Variants in SMYD4 observed in about 807,000 individuals in gnomAD.
The protein encoded by SMYD4 is protein-lysine N-methyltransferase SMYD4.
SMYD4 carries 68 observed loss-of-function variants against 72.8 expected under a neutral mutation model. That is an observed-to-expected ratio of 0.93 (90% CI 0.77 to 1.14). The LOEUF (loss-of-function observed/expected upper bound fraction) is 1.14. SMYD4 is among the 50% of genes most tolerant of loss of function. SMYD4 has a pLI of 0.00. For missense variants in SMYD4, 984 were observed against 1,003.7 expected (o/e 0.98, Z 0.27); for synonymous variants, 407 against 388.6 (o/e 1.05, Z -0.56).
chr17:1,796,292 C>T lies in SMYD4; in HGVS notation c.1537+3565G>A, dbSNP rs538181916. Among the ~76,000 whole-genome samples the T allele has an allele frequency of 6.6e-3, 860 of 130,168 alleles. 11 individuals are homozygous for T. The highest frequency in any genetic ancestry group is 0.025 in the African/African-American group (820 of 33,304). The allele number at this position is 130,168 out of a possible 152,430, so 85.4% of individuals were successfully genotyped here. Reference sequence around the variant, plus strand: ...GGGACCACAGGCACATGCCACCATGCCTGGCTGTTTTTTTTTTTTTTTTTT... The same window carrying T: ...GGGACCACAGGCACATGCCACCATGTCTGGCTGTTTTTTTTTTTTTTTTTT... On this transcript the variant is annotated intron_variant, in intron 5 of 10. Coordinates refer to ENST00000305513, the MANE Select transcript of SMYD4 (RefSeq NM_052928.3).
At chr17:1,787,978 A>C (rs1452064086) in intron 5 of SMYD4, among the ~76,000 whole-genome samples, 1 of 152,214 alleles carries the variant, frequency 6.6e-6, no homozygotes, top group Admixed American at 6.5e-5. Flanking sequence ...TGACTTCCCA[A>C]AGACTTTTAG....
chr17:1,799,456 A>G (rs6502974), intron 5 of SMYD4, among the ~76,000 whole-genome samples: 108,243 of 149,768 alleles, frequency 0.72, 39,928 homozygotes, highest in Non-Finnish European at 0.79. Context: ...TGCAACCTCC[A>G]CCTCCCGGGT....
chr17:1,817,750 T>C (rs1036611176), intron 2 of SMYD4, among the ~76,000 whole-genome samples: 4 of 152,128 alleles, frequency 2.6e-5, no homozygotes, highest in African/African-American at 9.7e-5. Context: ...TCCCCTATGT[T>C]TTCTTTTAAG....
chr17:1,810,206 C>T (rs1472682193), intron 3 of SMYD4, among the ~76,000 whole-genome samples: 1 of 152,084 alleles, frequency 6.6e-6, no homozygotes, highest in Non-Finnish European at 1.5e-5. Context: ...AGGCGAGGGG[C>T]CCATAAGCTT....
intron 8 of SMYD4, among the ~76,000 whole-genome samples, chr17:1,784,074 G>A (rs1258268439): frequency 6.6e-6 from 1 of 152,242 alleles, no homozygotes; most frequent in Admixed American, 6.5e-5. Context: ...TTAGTTGGCA[G>A]GGGTACTTCA....
intron 2 of SMYD4, chr17:1,814,935 G>C (rs533242846): frequency 3.2e-4 from 48 of 152,262 alleles, no homozygotes; most frequent in African/African-American, 1.1e-3. Flanking sequence ...CGCAGAGCTT[G>C]TTCTTTTTTC....
chr17:1,798,701 C>T (rs1337880435), intron 5 of SMYD4, among the ~76,000 whole-genome samples: 1 of 151,766 alleles, frequency 6.6e-6, no homozygotes, highest in Admixed American at 6.6e-5. Context: ...AGTTCAAGTC[C>T]CACCTGGCCA....
chr17:1,792,306 T>A (rs1909088996), intron 5 of SMYD4, among the ~76,000 whole-genome samples: 1 of 151,952 alleles, frequency 6.6e-6, no homozygotes, highest in Admixed American at 6.5e-5. Context: ...CCTCAAGTGC[T>A]GAGATTACAG....
In SMYD4 at chr17:1,789,294, C is replaced by T. The variant is rs571512533; in HGVS notation, c.1538-1690G>A. Among the ~76,000 whole-genome samples, 17 of 151,970 alleles carry T rather than the reference C, an allele frequency of 1.1e-4. No individual in the cohort carries two copies. In the Middle Eastern group the frequency reaches 0.014, roughly 122 times the overall value. ...TCCCAGCTACTCGGGAGGCGAGGTACGAGAATTGCTTGAATCCAGGAGGAG... is the reference window on the plus strand; with the variant it reads ...TCCCAGCTACTCGGGAGGCGAGGTATGAGAATTGCTTGAATCCAGGAGGAG... On this transcript the variant is annotated intron_variant, in intron 5 of 10. Coordinates refer to ENST00000305513, the MANE Select transcript of SMYD4 (RefSeq NM_052928.3).
intron 5 of SMYD4, among the ~76,000 whole-genome samples, chr17:1,791,260 C>G (rs1909016308): frequency 6.6e-6 from 1 of 151,894 alleles, no homozygotes; most frequent in Non-Finnish European, 1.5e-5. Flanking sequence ...ATAAATATGC[C>G]ATTCCCACTG....
chr17:1,813,972 CTA>C (rs2151247233), intron 2 of SMYD4, among the ~76,000 whole-genome samples: 1 of 152,080 alleles, frequency 6.6e-6, no homozygotes, highest in East Asian at 1.9e-4. Context: ...GACATGGAAA[CTA>C]AAAATTATCT....
At chr17:1,818,829 A>G (rs562715611) in intron 2 of SMYD4, among the ~76,000 whole-genome samples, 101 of 151,270 alleles carry the variant, frequency 6.7e-4, no homozygotes, top group African/African-American at 2.3e-3. Flanking sequence ...TTTTTATAAA[A>G]TAGAGATGGG....
intron 7 of SMYD4, among the ~76,000 whole-genome samples, chr17:1,786,363 T>C (rs16951673): frequency 0.11 from 16,776 of 152,166 alleles, 1,554 homozygotes; most frequent in African/African-American, 0.25. Context: ...AGCAGCCTTA[T>C]CCTGGAATTT....
intron 5 of SMYD4, among the ~76,000 whole-genome samples, chr17:1,797,152 C>T (rs1909447841): frequency 6.6e-6 from 1 of 152,162 alleles, no homozygotes; most frequent in South Asian, 2.1e-4. Context: ...AATAGGCTGA[C>T]AAATTCTAGA....
chr17:1,791,116 CAAAAAAAAAAA>C (rs56079708), intron 5 of SMYD4, among the ~76,000 whole-genome samples: 5 of 86,648 alleles, frequency 5.8e-5, no homozygotes, highest in Admixed American at 1.5e-4. Flanking sequence ...TGGCCCGTCT[CAAAAAAAAAAA>C]AAAAAAAAAA....
At chr17:1,820,837 G>A (rs1053632734) in intron 2 of SMYD4, among the ~76,000 whole-genome samples, 7 of 152,204 alleles carry the variant, frequency 4.6e-5, no homozygotes, top group African/African-American at 7.2e-5. Flanking sequence ...AGAAAAGTGT[G>A]TGCTTGGCTT....
chr17:1,790,408 A>G lies in SMYD4; in HGVS notation c.1538-2804T>C, dbSNP rs540279580. ...AGTAGAGATAATAGAAAGTGAGAAT[A>G]TGTATGTAGTTCCTCAACCAAATTT... On this transcript the variant is annotated intron_variant, in intron 5 of 10. Transcript: ENST00000305513. 3.9e-5 allele frequency among the ~76,000 whole-genome samples: 6 copies of G among 152,340 alleles called. No individual in the cohort carries two copies. In the South Asian group the frequency reaches 6.2e-4, roughly 16 times the overall value.
intron 2 of SMYD4, among the ~76,000 whole-genome samples, chr17:1,814,348 C>CA (rs1910477866): frequency 6.6e-6 from 1 of 152,088 alleles, no homozygotes; most frequent in African/African-American, 2.4e-5. Context: ...AGAATGTTTA[C>CA]AAGTAAGTTA....
At chr17:1,783,561 A>G in intron 8 of SMYD4, 85 bp from the exon 9 acceptor site, 1 of 1,523,546 alleles carries the variant, frequency 6.6e-7, no homozygotes, top group Non-Finnish European at 8.8e-7. Flanking sequence ...CCTCTGAATC[A>G]GCTGGGCTGA....
Sources: allele counts gnomAD v4.1 joint callset (sites outside exome capture counted in the v4.1 genomes callset), GRCh38; gene constraint gnomAD v4.1.1; transcripts MANE v1.5; gene names NCBI Gene and HGNC (gene_info 2026-07-23, HGNC 2026-07-21).